The following PLCZ1 variants were observed in gnomAD, a reference collection of about 807,000 sequenced individuals.
The protein encoded by PLCZ1 is phospholipase C zeta 1, also known as 1-phosphatidylinositol 4,5-bisphosphate phosphodiesterase zeta-1.
Under a neutral mutation model 76.8 loss-of-function variants are expected in PLCZ1, and 64 were observed. The ratio of observed to expected loss-of-function variants is 0.83; its 90% CI spans 0.68 to 1.03. The LOEUF (loss-of-function observed/expected upper bound fraction) is 1.03, where lower values mean the gene tolerates loss of function less well. Among genes scored for constraint, PLCZ1 ranks in the 50% least tolerant of loss-of-function variants. PLCZ1 has a pLI of 0.00. For synonymous variants in PLCZ1, 248 were observed against 230.8 expected, an observed-to-expected ratio of 1.07 and a Z score of -0.68; for missense variants, 751 against 713.7, an observed-to-expected ratio of 1.05 and a Z score of -0.60.
intron 12 of PLCZ1, among the ~76,000 whole-genome samples, chr12:18,694,476 A>G (rs1446976209): frequency 6.6e-6 from 1 of 152,162 alleles, no homozygotes; most frequent in Non-Finnish European, 1.5e-5. Flanking sequence ...TATGGGGGGA[A>G]GAATCCTGAC....
Position 18,683,342 on chromosome 12 carries a change from T to C in PLCZ1, c.1742-18A>G, listed in dbSNP as rs1432416615. 6.2e-7 allele frequency: 1 copy of C among 1,609,712 alleles called. No individual in the cohort carries two copies. The highest frequency in any genetic ancestry group is 1.3e-5 in the African/African-American group (1 of 74,868). On this transcript the variant is annotated intron_variant, in intron 14 of 14. Transcript: ENST00000266505. Reference sequence around the variant, plus strand: ...ACGATAACCTGCAAAAGGAATTATATCTAATTAGACCAATAACCAATTAAT... The same window carrying C: ...ACGATAACCTGCAAAAGGAATTATACCTAATTAGACCAATAACCAATTAAT...
At chr12:18,677,384 A>C in the PLCZ1 span, among the ~76,000 whole-genome samples, 1 of 152,108 alleles carries the variant, frequency 6.6e-6, no homozygotes, top group African/African-American at 2.4e-5. Flanking sequence ...AGTTGTTTTC[A>C]GTCCTGACCA....
intron 9 of PLCZ1, among the ~76,000 whole-genome samples, chr12:18,700,410 G>C (rs773569334): frequency 2.7e-5 from 4 of 148,526 alleles, no homozygotes; most frequent in Non-Finnish European, 5.9e-5. Flanking sequence ...CTCAATCCAA[G>C]TATGAGTCAG....
chr12:18,703,287 T>C (rs567440139), intron 7 of PLCZ1, among the ~76,000 whole-genome samples: 1 of 152,328 alleles, frequency 6.6e-6, no homozygotes, highest in South Asian at 2.1e-4. Flanking sequence ...TCTGTCTCAG[T>C]TCTATCATCA....
chr12:18,685,891 A>G (rs1481382377), intron 13 of PLCZ1, among the ~76,000 whole-genome samples: 5 of 135,832 alleles, frequency 3.7e-5, no homozygotes, highest in Non-Finnish European at 8.2e-5. Context: ...TGGATTAATT[A>G]TAAGAGAAAG....
chr12:18,684,145 GAAGTGGCA>G lies in PLCZ1; in HGVS notation c.1718_1725del (p.Leu573SerfsTer18), dbSNP rs1342533707. ...GGGACATTACCTTTGTTCATGCATA[GAAGTGGCA>G]AAGTATATTGCCCAAGAAATTCATT... On this transcript the variant is annotated frameshift_variant, in exon 14 of 15. Coordinates refer to ENST00000266505, the MANE Select transcript of PLCZ1 (RefSeq NM_033123.4). LOFTEE classifies it high-confidence loss of function. 1 of 1,611,724 alleles carries G rather than the reference GAAGTGGCA, an allele frequency of 6.2e-7. No homozygotes were observed.
chr12:18,656,829 C>T, the PLCZ1 span, among the ~76,000 whole-genome samples: 32 of 152,226 alleles, frequency 2.1e-4, no homozygotes, highest in African/African-American at 7.5e-4. Flanking sequence ...TGAAACCAAT[C>T]AAATTTTGCA....
At chr12:18,650,217 C>T in the PLCZ1 span, among the ~76,000 whole-genome samples, 1 of 151,694 alleles carries the variant, frequency 6.6e-6, no homozygotes, top group Non-Finnish European at 1.5e-5. Context: ...GTTTTATCCA[C>T]ATCCTTTCCC....
intron 9 of PLCZ1, among the ~76,000 whole-genome samples, chr12:18,701,047 C>T (rs1340284477): frequency 6.6e-6 from 1 of 151,374 alleles, no homozygotes; most frequent in Non-Finnish European, 1.5e-5. Flanking sequence ...TGCAATGGCT[C>T]GATCTCGGCT....
the PLCZ1 span, among the ~76,000 whole-genome samples, chr12:18,664,768 C>A: frequency 6.6e-6 from 1 of 151,330 alleles, no homozygotes; most frequent in Non-Finnish European, 1.5e-5. Context: ...AAATGTCCAA[C>A]AATGATAGAC....
intron 6 of PLCZ1, among the ~76,000 whole-genome samples, chr12:18,707,829 A>C (rs1177454776): frequency 2.0e-5 from 3 of 152,124 alleles, no homozygotes; most frequent in African/African-American, 7.2e-5. Context: ...CCACTGCTCA[A>C]AGCCTTGTTT....
At chr12:18,700,411 T>A (rs974611398) in intron 9 of PLCZ1, among the ~76,000 whole-genome samples, 1 of 149,148 alleles carries the variant, frequency 6.7e-6, no homozygotes, top group Non-Finnish European at 1.5e-5. Flanking sequence ...TCAATCCAAG[T>A]ATGAGTCAGG....
In PLCZ1 at chr12:18,688,177, A is replaced by G. The variant is rs1297967634; in HGVS notation, c.1503T>C (p.Ser501=). 1 of 1,611,206 alleles carries G rather than the reference A, an allele frequency of 6.2e-7. No homozygotes were observed. Among genetic ancestry groups the G allele is most frequent in the Admixed American group, 1.7e-5 (1 of 59,938 alleles). The part of the protein sequence containing the change: ...GIQLPLTHSS[S]NKGDSLVIIE... ...TAATTACTAATGAATCACCTTTGTT[A>G]GATGATGAATGAGTAAGAGGCAACT... The change falls in exon 13 of 15, where the codon TCT becomes TCC. Residue 501 remains serine, a synonymous_variant. Transcript: ENST00000266505.
the PLCZ1 span, among the ~76,000 whole-genome samples, chr12:18,675,183 G>T: frequency 2.6e-5 from 4 of 152,148 alleles, no homozygotes; most frequent in African/African-American, 4.8e-5. Context: ...GACAGAGCTG[G>T]TCTAGATGGC....
At chr12:18,658,867 G>GA in the PLCZ1 span, among the ~76,000 whole-genome samples, 5 of 152,082 alleles carry the variant, frequency 3.3e-5, no homozygotes, top group African/African-American at 4.8e-5. Flanking sequence ...TATTTGAATG[G>GA]AAAAAATTTG....
At chr12:18,684,525 A>G (rs1032230237) in intron 13 of PLCZ1, among the ~76,000 whole-genome samples, 2 of 151,998 alleles carry the variant, frequency 1.3e-5, no homozygotes, top group Admixed American at 6.6e-5. Context: ...CCACCCCATC[A>G]GGGTGGGATG....
chr12:18,717,746 T>C (rs1958150196), intron 5 of PLCZ1, among the ~76,000 whole-genome samples: 2 of 152,170 alleles, frequency 1.3e-5, no homozygotes, highest in Non-Finnish European at 2.9e-5. Context: ...CTTTCCCTCA[T>C]ATCTCTCTTC....
chr12:18,737,538 GT>G (rs5796766), intron 1 of PLCZ1, 29 bp from the exon 2 acceptor site: 825,571 of 870,132 alleles, frequency 0.95, 393,972 homozygotes, highest in East Asian at 1. Flanking sequence ...ACACACAGTG[GT>G]TTTTTTTGCC....
intron 12 of PLCZ1, chr12:18,693,915 T>C: frequency 2.0e-6 from 3 of 1,526,518 alleles, no homozygotes; most frequent in East Asian, 4.5e-5. Flanking sequence ...GATGTAACCC[T>C]GCACGACTTG....
Sources: allele counts gnomAD v4.1 joint callset (sites outside exome capture counted in the v4.1 genomes callset), GRCh38; gene constraint gnomAD v4.1.1; transcripts MANE v1.5; gene names NCBI Gene and HGNC (gene_info 2026-07-23, HGNC 2026-07-21).